The following LRFN2 variants were observed in gnomAD, a reference collection of about 807,000 sequenced individuals.
LRFN2 encodes the protein leucine rich repeat and fibronectin type III domain containing 2.
A neutral mutation model predicts 37.3 loss-of-function variants in LRFN2; 18 were observed. That is an observed-to-expected ratio of 0.48 (90% confidence interval 0.33 to 0.72). The LOEUF (loss-of-function observed/expected upper bound fraction) is 0.72. Among genes scored for constraint, LRFN2 ranks in the 30% least tolerant of loss-of-function variants. The pLI is 0.02. For synonymous variants in LRFN2, 556 were observed against 466.6 expected (o/e 1.19, Z -2.47); for missense variants, 1,006 against 1,060.7 (o/e 0.95, Z 0.72).
At chr6:40,536,586 G>A (rs766863139) in intron 1 of LRFN2, among the ~76,000 whole-genome samples, 3 of 152,190 alleles carry the variant, frequency 2.0e-5, no homozygotes, top group African/African-American at 4.8e-5. Flanking sequence ...TGGGAAATGA[G>A]GAGCCTGTTT....
At chr6:40,508,574 A>C (rs142153622) in intron 1 of LRFN2, among the ~76,000 whole-genome samples, 19 of 152,314 alleles carry the variant, frequency 1.2e-4, no homozygotes, top group African/African-American at 4.6e-4. Context: ...GTTCTACTGC[A>C]TACTAGTGGG....
chr6:40,444,492 C>T (rs1306263924), intron 1 of LRFN2, among the ~76,000 whole-genome samples: 1 of 152,208 alleles, frequency 6.6e-6, no homozygotes, highest in African/African-American at 2.4e-5. Flanking sequence ...CACCAGGCTC[C>T]ATTACCCTGG....
intron 1 of LRFN2, among the ~76,000 whole-genome samples, chr6:40,575,462 T>G (rs184850379): frequency 6.7e-6 from 1 of 149,994 alleles, no homozygotes. Flanking sequence ...CAGCCAGGGC[T>G]CCCACCAGCC....
chr6:40,527,585 A>G lies in LRFN2; in HGVS notation c.-19+59356T>C, dbSNP rs420210. On this transcript the variant is annotated intron_variant, in intron 1 of 2. Coordinates refer to ENST00000338305, the MANE Select transcript of LRFN2 (RefSeq NM_020737.3). ...TAGATGATATGTCAGCCTGAAATAT[A>G]AGAAGGAAGCTAGATTTTAAATCAT... Among the ~76,000 whole-genome samples the G allele has an allele frequency of 2.1e-3, 313 of 152,356 alleles. 2 individuals are homozygous for G. The highest frequency in any genetic ancestry group is 7.2e-3 in the African/African-American group (300 of 41,582).
chr6:40,553,489 T>C (rs1239349050), intron 1 of LRFN2, among the ~76,000 whole-genome samples: 2 of 152,134 alleles, frequency 1.3e-5, no homozygotes, highest in African/African-American at 4.8e-5. Context: ...CAAGTTCAGG[T>C]GACAAGTGAA....
At position 40,478,569 on chromosome 6, in the gene LRFN2, C is replaced by T. The variant is rs375645086; in HGVS notation, c.-18-45438G>A. On this transcript the variant is annotated intron_variant, in intron 1 of 2. Coordinates refer to ENST00000338305, the MANE Select transcript of LRFN2 (RefSeq NM_020737.3). ...AATCCATTCACTGATGGAGTGAGAG[C>T]AACTGGAGATCCAAGGGTGAATGGT... Among the ~76,000 whole-genome samples the T allele has an allele frequency of 2.8e-4, 42 of 152,284 alleles. No homozygotes were observed. In the South Asian group the frequency reaches 8.7e-3, roughly 32 times the overall value.
intron 2 of LRFN2, among the ~76,000 whole-genome samples, chr6:40,396,209 AT>A (rs1179871202): frequency 1.3e-5 from 2 of 152,152 alleles, no homozygotes; most frequent in South Asian, 4.1e-4. Flanking sequence ...TGTTATTCTC[AT>A]TTCCACTTAA....
At chr6:40,558,942 C>T (rs569729433) in intron 1 of LRFN2, among the ~76,000 whole-genome samples, 19 of 152,308 alleles carry the variant, frequency 1.2e-4, no homozygotes, top group African/African-American at 4.6e-4. Context: ...AGCACGCACA[C>T]TCACGGATGT....
At chr6:40,418,405 C>T (rs1763144522) in intron 2 of LRFN2, among the ~76,000 whole-genome samples, 1 of 152,206 alleles carries the variant, frequency 6.6e-6, no homozygotes, top group Non-Finnish European at 1.5e-5. Context: ...AGAATGTAAG[C>T]TCCTTGATAT....
At chr6:40,519,090 G>T (rs1475348259) in intron 1 of LRFN2, among the ~76,000 whole-genome samples, 1 of 152,150 alleles carries the variant, frequency 6.6e-6, no homozygotes, top group Non-Finnish European at 1.5e-5. Context: ...GAAAGAGTTA[G>T]GGGACTCACT....
intron 1 of LRFN2, among the ~76,000 whole-genome samples, chr6:40,567,484 AT>A (rs1233966463): frequency 1.3e-5 from 2 of 152,246 alleles, no homozygotes; most frequent in South Asian, 2.1e-4. Flanking sequence ...TGTCCACTTC[AT>A]TCCTTAAAAC....
intron 1 of LRFN2, among the ~76,000 whole-genome samples, chr6:40,444,177 GCA>G (rs1399918228): frequency 6.6e-6 from 1 of 152,156 alleles, no homozygotes; most frequent in Non-Finnish European, 1.5e-5. Flanking sequence ...ATGAAAAATA[GCA>G]CAGACAGGTA....
At chr6:40,498,259 G>A (rs1332776525) in intron 1 of LRFN2, among the ~76,000 whole-genome samples, 1 of 152,108 alleles carries the variant, frequency 6.6e-6, no homozygotes, top group African/African-American at 2.4e-5. Flanking sequence ...GGTAAATAAT[G>A]AGTCTCTCTG....
chr6:40,468,205 C>A (rs1279619442), intron 1 of LRFN2, among the ~76,000 whole-genome samples: 1 of 152,056 alleles, frequency 6.6e-6, no homozygotes, highest in Non-Finnish European at 1.5e-5. Context: ...GTGTCAGAAG[C>A]AATTGGTGAA....
intron 1 of LRFN2, among the ~76,000 whole-genome samples, chr6:40,585,547 TC>T (rs1767484065): frequency 6.6e-6 from 1 of 152,032 alleles, no homozygotes; most frequent in South Asian, 2.1e-4. Context: ...TATATAAAGC[TC>T]CTGCCAGAGG....
At chr6:40,545,719 GA>G (rs1366864321) in intron 1 of LRFN2, among the ~76,000 whole-genome samples, 1 of 152,024 alleles carries the variant, frequency 6.6e-6, no homozygotes, top group East Asian at 1.9e-4. Context: ...AGAGAAAGAG[GA>G]AAAGCAGGGG....
chr6:40,434,447 T>G (rs1763592606), intron 1 of LRFN2, among the ~76,000 whole-genome samples: 1 of 152,152 alleles, frequency 6.6e-6, no homozygotes, highest in Admixed American at 6.5e-5. Context: ...TGTAGCATTA[T>G]GCAGACCAGC....
At chr6:40,519,130 A>G (rs781152279) in intron 1 of LRFN2, among the ~76,000 whole-genome samples, 13 of 152,226 alleles carry the variant, frequency 8.5e-5, no homozygotes, top group Non-Finnish European at 4.4e-5. Context: ...CTCAGTGTTC[A>G]CCATAGATTA....
intron 1 of LRFN2, among the ~76,000 whole-genome samples, chr6:40,520,182 G>A (rs1311925572): frequency 6.6e-6 from 1 of 152,138 alleles, no homozygotes; most frequent in Admixed American, 6.5e-5. Flanking sequence ...AGAATCCTCT[G>A]GCAACCATGA....
Sources: allele counts gnomAD v4.1 joint callset (sites outside exome capture counted in the v4.1 genomes callset), GRCh38; gene constraint gnomAD v4.1.1; transcripts MANE v1.5; gene names NCBI Gene and HGNC (gene_info 2026-07-23, HGNC 2026-07-21).